Variants in ASPM observed in about 807,000 individuals in gnomAD.
ASPM encodes assembly factor for spindle microtubules.
A neutral mutation model predicts 366.4 loss-of-function variants in ASPM; 256 were observed. That is an observed-to-expected ratio of 0.70 (90% CI 0.63 to 0.77). The LOEUF is 0.77. Ranked by LOEUF, ASPM falls within the 30% of genes least tolerant of loss-of-function variation. The pLI, the probability that ASPM is intolerant of heterozygous loss-of-function variation, is 0.00. For synonymous variants in ASPM, 1,414 were observed against 1,342.9 expected (o/e 1.05, Z -1.16); for missense variants, 4,146 against 4,090.4 (o/e 1.01, Z -0.37).
intron 12 of ASPM, 33 bp downstream of exon 12, chr1:197,124,837 T>TA: frequency 2.7e-6 from 4 of 1,492,744 alleles, no homozygotes; most frequent in Non-Finnish European, 2.8e-6. Context: ...TCAAAATTGA[T>TA]AAAAAATACA....
intron 17 of ASPM, among the ~76,000 whole-genome samples, chr1:197,111,933 C>T (rs1362157228): frequency 6.6e-6 from 1 of 152,104 alleles, no homozygotes; most frequent in African/African-American, 2.4e-5. Context: ...TTAGCTCAAC[C>T]ATTGTGGAAG....
In ASPM at chr1:197,146,563, T is replaced by C; in HGVS notation, c.-126A>G. The C allele has an allele frequency of 9.8e-7, 1 of 1,022,998 alleles. No homozygotes were observed. The highest frequency in any genetic ancestry group is 1.5e-6 in the Non-Finnish European group (1 of 687,728). 63.4% of individuals were successfully genotyped at this position (1,022,998 alleles called of 1,614,324 possible). On this transcript the variant is annotated 5_prime_UTR_variant, in exon 1 of 28. Transcript: ENST00000367409. ...GGCTGTAGAGGTCGTGGGAGTGAAT[T>C]CGGCCCTTTTTCTTTTCCACTAACC...
intron 1 of ASPM, among the ~76,000 whole-genome samples, chr1:197,145,118 G>A (rs1658726197): frequency 6.6e-6 from 1 of 152,094 alleles, no homozygotes; most frequent in African/African-American, 2.4e-5. Flanking sequence ...TGACACACAA[G>A]TTAAGGGACC....
At chr1:197,084,715 C>G (rs1656533634) in intron 27 of ASPM, among the ~76,000 whole-genome samples, 1 of 152,114 alleles carries the variant, frequency 6.6e-6, no homozygotes, top group Non-Finnish European at 1.5e-5. Flanking sequence ...CCTTGTAAAC[C>G]TGGTTCTTGT....
chr1:197,142,844 G>A lies in ASPM; in HGVS notation c.1408C>T (p.Pro470Ser). 6.2e-7 allele frequency: 1 copy of A among 1,613,298 alleles called. No homozygotes were observed. Among genetic ancestry groups the A allele is most frequent in the Non-Finnish European group, 8.5e-7 (1 of 1,179,398 alleles). ...NYYSFIKQNN[P>S]KFSAVQDISS... ...ATATCCTGAACTGCAGAAAATTTAG[G>A]ATTATTTTGTTTTATAAAACTGTAG... The change falls in exon 3 of 28, where the codon CCT becomes TCT. Residue 470 changes from proline to serine, a missense_variant. By Grantham distance (74) the Pro-to-Ser change is moderately conservative. Around this residue, in one of 3 missense-constraint regions of ASPM, gnomAD observed 3,624 missense variants for 3,591.7 expected, o/e 1.01. Transcript: ENST00000367409.
chr1:197,126,433 C>T, intron 10 of ASPM, among the ~76,000 whole-genome samples: 1 of 85,880 alleles, frequency 1.2e-5, no homozygotes, highest in African/African-American at 4.5e-5. Context: ...GAGTGAGACT[C>T]TGTCTCAAAA....
At position 197,093,005 on chromosome 1, in the gene ASPM, GTGCTTTCA is replaced by G. The variant is rs756352237; in HGVS notation, c.9294+39_9294+46del. ...GTTTCTTAACACTATTTAACATCAA[GTGCTTTCA>G]TTTTATAAGAATGAGATATGCTACT... is the stretch of plus-strand genomic sequence containing the variant. On this transcript the variant is annotated intron_variant, in intron 21 of 27. Transcript: ENST00000367409. 10 of 1,474,682 alleles carry G rather than the reference GTGCTTTCA, an allele frequency of 6.8e-6. No individual in the cohort carries two copies. The African/African-American group carries it at 9.8e-5, about 14-fold the overall frequency. The allele number at this position is 1,474,682 out of a possible 1,614,324, so 91.3% of individuals were successfully genotyped here.
chr1:197,108,538 C>G (rs1657482159), intron 17 of ASPM, among the ~76,000 whole-genome samples: 1 of 151,850 alleles, frequency 6.6e-6, no homozygotes, highest in Admixed American at 6.6e-5. Context: ...TACAGACTAC[C>G]CAGGCATCAA....
chr1:197,099,078 A>G (rs1364109889), intron 18 of ASPM, among the ~76,000 whole-genome samples: 1 of 151,638 alleles, frequency 6.6e-6, no homozygotes, highest in African/African-American at 2.4e-5. Context: ...TTCATGCTCT[A>G]TATAATGCCA....
In ASPM at chr1:197,094,206, T is replaced by C. The variant is rs368705733; in HGVS notation, c.8988-26A>G. 2.2e-5 allele frequency: 32 copies of C among 1,429,364 alleles called. No homozygotes were observed. The Admixed American group carries it at 3.6e-4, about 16-fold the overall frequency. 88.5% of individuals were successfully genotyped at this position (1,429,364 alleles called of 1,614,324 possible). A position where few individuals can be genotyped will look rare whatever the true frequency, so the allele number is the denominator to read the frequency against. On this transcript the variant is annotated intron_variant, in intron 19 of 27. Transcript: ENST00000367409. ...CTAAAAAGTAGTTATTGGAAAGCAA[T>C]GTCAAATTACTTTAACTTATTCAAT...
intron 18 of ASPM, among the ~76,000 whole-genome samples, 190 bp downstream of exon 18, chr1:197,100,241 T>A (rs866359287): frequency 4.6e-5 from 7 of 151,680 alleles, no homozygotes; most frequent in South Asian, 2.1e-4. Context: ...ACAATCCCCG[T>A]TCTGTGCTGT....
chr1:197,127,650 A>C (rs1219056327), intron 10 of ASPM, among the ~76,000 whole-genome samples: 1 of 152,196 alleles, frequency 6.6e-6, no homozygotes, highest in Non-Finnish European at 1.5e-5. Flanking sequence ...CTGGCTATCC[A>C]TCATACATAC....
intron 17 of ASPM, among the ~76,000 whole-genome samples, chr1:197,113,817 T>C (rs1050372947): frequency 6.6e-6 from 1 of 152,056 alleles, no homozygotes; most frequent in Non-Finnish European, 1.5e-5. Context: ...AAATAATACT[T>C]CACAAAAGAT....
intron 1 of ASPM, among the ~76,000 whole-genome samples, chr1:197,145,769 C>A (rs1571633197): frequency 6.6e-6 from 1 of 151,694 alleles, no homozygotes; most frequent in East Asian, 1.9e-4. Flanking sequence ...TAACTTGCTC[C>A]TAAAGATGCT....
chr1:197,132,581 T>C (rs1658293686), intron 6 of ASPM, among the ~76,000 whole-genome samples: 1 of 152,046 alleles, frequency 6.6e-6, no homozygotes, highest in Non-Finnish European at 1.5e-5. Context: ...ATACAAAATC[T>C]CTTGGGGACA....
At chr1:197,137,250 A>G (rs1301815077) in intron 4 of ASPM, among the ~76,000 whole-genome samples, 1 of 152,226 alleles carries the variant, frequency 6.6e-6, no homozygotes, top group Non-Finnish European at 1.5e-5. Context: ...TAATTTATGC[A>G]TATAGCATAG....
intron 13 of ASPM, among the ~76,000 whole-genome samples, chr1:197,123,060 G>C (rs1657969032): frequency 6.6e-6 from 1 of 152,144 alleles, no homozygotes; most frequent in South Asian, 2.1e-4. Context: ...AGGTGTTTCT[G>C]ATTCAATAAC....
intron 3 of ASPM, 110 bp from the exon 4 acceptor site, chr1:197,139,981 A>G: frequency 1.3e-6 from 1 of 745,872 alleles, no homozygotes; most frequent in Non-Finnish European, 2.3e-6. Context: ...TTCATTTAGC[A>G]AACACTTAAT....
At position 197,104,727 on chromosome 1, in the gene ASPM, T is replaced by C; in HGVS notation, c.4524A>G (p.Lys1508=). The part of the protein sequence containing the change: ...FRCFQAQKLY[K]RRKESILTIQ... ...TGGTTAGTATGGACTCTTTTCTTCT[T>C]TTATATAACTTTTGGGCTTGAAAGC... The change falls in exon 18 of 28, where the codon AAA becomes AAG. Residue 1508 remains lysine, a synonymous_variant. Coordinates refer to ENST00000367409, the MANE Select transcript of ASPM (RefSeq NM_018136.5). 2.5e-6 allele frequency: 4 copies of C among 1,609,106 alleles called. No individual in the cohort carries two copies. The highest frequency in any genetic ancestry group is 3.4e-6 in the Non-Finnish European group (4 of 1,178,124).
Sources: allele counts gnomAD v4.1 joint callset (sites outside exome capture counted in the v4.1 genomes callset), GRCh38; gene constraint gnomAD v4.1.1; regional missense constraint gnomAD v4.1.1; transcripts MANE v1.5; gene names NCBI Gene and HGNC (gene_info 2026-07-23, HGNC 2026-07-21).